Variants in TPTE2 observed in about 807,000 individuals in gnomAD.
The protein encoded by TPTE2 is transmembrane phosphoinositide 3-phosphatase and tensin homolog 2.
In TPTE2, 53 loss-of-function variants were observed where a neutral mutation model predicts 78.6. The ratio of observed to expected loss-of-function variants is 0.67; its 90% confidence interval spans 0.54 to 0.85. The LOEUF (loss-of-function observed/expected upper bound fraction) is 0.85, where lower values mean the gene tolerates loss of function less well. TPTE2 is among the 40% of genes least tolerant of loss of function. The pLI is 0.00. For synonymous variants in TPTE2, 175 were observed against 206.2 expected (o/e 0.85, Z 1.30); for missense variants, 461 against 623.0 (o/e 0.74, Z 2.77).
the TPTE2 span, among the ~76,000 whole-genome samples, chr13:19,547,087 C>CA: frequency 0.65 from 93,364 of 142,884 alleles, 31,800 homozygotes; most frequent in East Asian, 0.87. Context: ...TAAAAGTTAC[C>CA]AAAAAAAAAA....
the TPTE2 span, among the ~76,000 whole-genome samples, chr13:19,547,798 G>A: frequency 2.9e-4 from 43 of 146,892 alleles, 1 homozygote; most frequent in East Asian, 6.3e-3. Context: ...ATAAAACAGC[G>A]GATAAATGTG....
At chr13:19,541,269 G>A (rs938838908), upstream of TPTE2, among the ~76,000 whole-genome samples, 2 of 152,158 alleles carry the variant, frequency 1.3e-5, no homozygotes, top group African/African-American at 4.8e-5. Context: ...AATCACAAGA[G>A]TAACTATTCC....
upstream of TPTE2, among the ~76,000 whole-genome samples, chr13:19,507,799 A>G (rs190619685): frequency 4.1e-3 from 625 of 152,352 alleles, 3 homozygotes; most frequent in Admixed American, 6.9e-3. Context: ...AGCTGTACCC[A>G]GTTGTAACCA....
intron 6 of TPTE2, among the ~76,000 whole-genome samples, chr13:19,471,669 ATAGTT>A (rs1231240256): frequency 6.6e-6 from 1 of 152,170 alleles, no homozygotes; most frequent in East Asian, 1.9e-4. Flanking sequence ...TGATTGGCTC[ATAGTT>A]TAGTCTCTCT....
intron 1 of TPTE2, among the ~76,000 whole-genome samples, chr13:19,502,630 A>G (rs1214992038): frequency 3.5e-4 from 46 of 130,506 alleles, no homozygotes; most frequent in African/African-American, 1.2e-3. Flanking sequence ...GGGGAATATC[A>G]CACTCTGGGG....
upstream of TPTE2, chr13:19,505,627 G>A (rs1365305906): frequency 6.6e-6 from 1 of 152,046 alleles, no homozygotes; most frequent in African/African-American, 2.4e-5. Context: ...AATGATTGTG[G>A]GTTTGGGTTT....
upstream of TPTE2, among the ~76,000 whole-genome samples, chr13:19,506,258 A>G (rs1387902762): frequency 2.3e-4 from 26 of 115,220 alleles, no homozygotes; most frequent in Middle Eastern, 7.8e-3. Context: ...TGCAAGCTCC[A>G]CCTCCCAGGT....
intron 1 of TPTE2, among the ~76,000 whole-genome samples, chr13:19,515,048 C>G (rs915656363): frequency 1.3e-5 from 2 of 152,108 alleles, no homozygotes; most frequent in African/African-American, 4.8e-5. Flanking sequence ...TTTAGACAAC[C>G]TGCTCTCTAC....
intron 1 of TPTE2, among the ~76,000 whole-genome samples, chr13:19,527,985 G>A (rs1169932955): frequency 2.6e-5 from 4 of 152,188 alleles, no homozygotes; most frequent in African/African-American, 7.2e-5. Flanking sequence ...AGGCACTGGG[G>A]TTTCAGGACT....
chr13:19,489,229 T>C (rs1266304992), intron 3 of TPTE2, among the ~76,000 whole-genome samples: 1 of 152,166 alleles, frequency 6.6e-6, no homozygotes. Context: ...AAGTTTGGAA[T>C]ATTGCAAGAA....
chr13:19,547,288 C>A, the TPTE2 span, among the ~76,000 whole-genome samples: 1 of 152,062 alleles, frequency 6.6e-6, no homozygotes, highest in Non-Finnish European at 1.5e-5. Flanking sequence ...GAAATCCTAT[C>A]CCTAATAAAA....
intron 4 of TPTE2, among the ~76,000 whole-genome samples, chr13:19,479,031 G>A (rs1160852600): frequency 6.6e-6 from 1 of 152,084 alleles, no homozygotes; most frequent in Non-Finnish European, 1.5e-5. Flanking sequence ...ATTGGGGAGG[G>A]ATAGCATTAG....
At chr13:19,553,464 T>C in the TPTE2 span, among the ~76,000 whole-genome samples, 60 of 152,256 alleles carry the variant, frequency 3.9e-4, no homozygotes, top group African/African-American at 1.4e-3. Context: ...AGATAATACA[T>C]GTCCACACAA....
chr13:19,465,496 T>C, exon 8 of TPTE2: 1 of 1,610,680 alleles, frequency 6.2e-7, no homozygotes, highest in Non-Finnish European at 8.5e-7. Context: ...AAGTTGTCTT[T>C]TTTGATGAAG....
the TPTE2 span, among the ~76,000 whole-genome samples, chr13:19,544,060 CAAAA>C: frequency 9.4e-5 from 3 of 31,982 alleles, no homozygotes; most frequent in African/African-American, 3.9e-4. Context: ...GAACCTGTCT[CAAAA>C]AAAAAAAAAA....
At chr13:19,440,696 G>A (rs528817898) in intron 13 of TPTE2, among the ~76,000 whole-genome samples, 32 of 152,304 alleles carry the variant, frequency 2.1e-4, no homozygotes, top group African/African-American at 6.3e-4. Context: ...CTTGAACCCA[G>A]GAGTCGGAGG....
the TPTE2 span, among the ~76,000 whole-genome samples, chr13:19,544,895 C>A: frequency 5.9e-5 from 9 of 151,470 alleles, no homozygotes. Flanking sequence ...GAGTGAGACT[C>A]TGTCTCAAAA....
At position 19,483,973 on chromosome 13, in the gene TPTE2, G is replaced by A. The variant is rs527305803; in HGVS notation, c.120-1426C>T. The stretch of plus-strand genomic sequence containing the variant: ...CCCAGTGTGTGATATCCCCCTTCCC[G>A]TGTCCAAGTGTTCTCATTGTTCTAT... On this transcript the variant is annotated intron_variant, in intron 3 of 19. Coordinates refer to ENST00000400230, the Ensembl canonical transcript of TPTE2. Among the ~76,000 whole-genome samples, 20 of 113,406 alleles carry A rather than the reference G, an allele frequency of 1.8e-4. No individual in the cohort carries two copies. The East Asian group carries it at 3.9e-3, about 22-fold the overall frequency. 74.4% of individuals were successfully genotyped at this position (113,406 alleles called of 152,430 possible). A position where few individuals can be genotyped will look rare whatever the true frequency, so the allele number is the denominator to read the frequency against.
chr13:19,560,939 A>G, the TPTE2 span: 3 of 1,599,132 alleles, frequency 1.9e-6, no homozygotes, highest in Middle Eastern at 3.3e-4. Flanking sequence ...ACTCCCCTGG[A>G]TGGTCCTCTT....
Sources: gnomAD v4.1 joint callset for allele counts (sites outside exome capture counted in the v4.1 genomes callset) on GRCh38, gnomAD v4.1.1 for gene constraint, MANE v1.5 for transcripts, NCBI Gene and HGNC (gene_info 2026-07-23, HGNC 2026-07-21) for gene names.